The following KCNH8 variants were observed in gnomAD, a reference collection of about 807,000 sequenced individuals.
KCNH8 encodes potassium voltage-gated channel subfamily H member 8.
KCNH8 carries 70 observed loss-of-function variants against 103.6 expected under a neutral mutation model. That is an observed-to-expected ratio of 0.68 (90% CI 0.56 to 0.82). KCNH8 has a LOEUF of 0.82. Among genes scored for constraint, KCNH8 ranks in the 40% least tolerant of loss-of-function variants. The probability of loss-of-function intolerance (pLI) is 0.00; values close to 1 mark genes in which losing one functional copy is unlikely to be tolerated. For missense variants in KCNH8, 1,217 were observed against 1,329.9 expected, an observed-to-expected ratio of 0.92 and a Z score of 1.32; for synonymous variants, 498 against 489.4, an observed-to-expected ratio of 1.02 and a Z score of -0.23.
At chr3:19,403,917 C>T (rs1416093712) in intron 7 of KCNH8, among the ~76,000 whole-genome samples, 2 of 151,814 alleles carry the variant, frequency 1.3e-5, no homozygotes, top group East Asian at 1.9e-4. Context: ...GTATGTTTTA[C>T]ATTATGCCCC....
At chr3:19,210,454 A>G (rs1440324527) in intron 1 of KCNH8, among the ~76,000 whole-genome samples, 3 of 152,106 alleles carry the variant, frequency 2.0e-5, no homozygotes, top group Non-Finnish European at 4.4e-5. Context: ...ACCAGGGTGA[A>G]TAAAGCCTTC....
rs546889972 is a variant in KCNH8 at position 19,460,803 on chromosome 3, C to T, written c.2040+3821C>T. 2.8e-4 allele frequency among the ~76,000 whole-genome samples: 43 copies of T among 152,234 alleles called. 1 individual carries two copies. Among genetic ancestry groups the T allele is most frequent in the African/African-American group, 8.7e-4 (36 of 41,548 alleles). Reference sequence around the variant, plus strand: ...GATAATTGAATCATGGGGGCAGTTTCGCTCATCCTGTTCTTGTGATAGTGA... The same window carrying T: ...GATAATTGAATCATGGGGGCAGTTTTGCTCATCCTGTTCTTGTGATAGTGA... On this transcript the variant is annotated intron_variant, in intron 11 of 15. Coordinates refer to ENST00000328405, the MANE Select transcript of KCNH8 (RefSeq NM_144633.3).
chr3:19,254,362 T>C (rs967140387), intron 2 of KCNH8, among the ~76,000 whole-genome samples: 6 of 152,152 alleles, frequency 3.9e-5, no homozygotes, highest in Admixed American at 3.9e-4. Flanking sequence ...ATATGCATTT[T>C]CTTTTCCGGT....
chr3:19,511,620 T>G (rs1559365448), intron 12 of KCNH8, among the ~76,000 whole-genome samples: 1 of 152,076 alleles, frequency 6.6e-6, no homozygotes, highest in Admixed American at 6.6e-5. Context: ...CAATTTTTGT[T>G]AAAAACACAG....
At position 19,298,719 on chromosome 3, in the gene KCNH8, G is replaced by A. The variant is rs545959253; in HGVS notation, c.442+17390G>A. On this transcript the variant is annotated intron_variant, in intron 3 of 15. Transcript: ENST00000328405. ...GGGCGGATCACGAGGTCAGGAGATC[G>A]AGACCATCCTGGCTAACATGGTGAA... Among the ~76,000 whole-genome samples, 11 of 151,984 alleles carry A rather than the reference G, an allele frequency of 7.2e-5. No individual in the cohort carries two copies. The South Asian group carries it at 1.5e-3, about 20-fold the overall frequency.
At chr3:19,399,784 C>T (rs1027271746) in intron 7 of KCNH8, among the ~76,000 whole-genome samples, 9 of 151,906 alleles carry the variant, frequency 5.9e-5, no homozygotes, top group African/African-American at 2.2e-4. Flanking sequence ...TAGCAATACT[C>T]TTAAAGTCTA....
chr3:19,291,933 C>A (rs2125282527), intron 3 of KCNH8, among the ~76,000 whole-genome samples: 1 of 152,284 alleles, frequency 6.6e-6, no homozygotes, highest in African/African-American at 2.4e-5. Context: ...TAAATACTTT[C>A]TTATTAATTA....
At chr3:19,353,886 C>A (rs931675440) in intron 5 of KCNH8, among the ~76,000 whole-genome samples, 1 of 152,024 alleles carries the variant, frequency 6.6e-6, no homozygotes, top group Non-Finnish European at 1.5e-5. Context: ...CTGGCCAGGG[C>A]AATCAGGCAG....
rs2065751366 is a variant in KCNH8, at chr3:19,348,025, G to C, written c.811+60G>C. On this transcript the variant is annotated intron_variant, in intron 5 of 15. Coordinates refer to ENST00000328405, the MANE Select transcript of KCNH8 (RefSeq NM_144633.3). ...CATATGAGAAGTGAAGTGTGTTCCAGATTTTTCTGACATGAATTTGAACTA... is the reference window on the plus strand; with the variant it reads ...CATATGAGAAGTGAAGTGTGTTCCACATTTTTCTGACATGAATTTGAACTA... 5 of 1,572,728 alleles carry C rather than the reference G, an allele frequency of 3.2e-6. No homozygotes were observed. In the South Asian group the frequency reaches 4.6e-5, roughly 15 times the overall value.
intron 9 of KCNH8, 97 bp from the exon 10 acceptor site, chr3:19,451,058 A>G: frequency 8.4e-7 from 1 of 1,187,428 alleles, no homozygotes; most frequent in Non-Finnish European, 1.2e-6. Context: ...GCCAAACAGC[A>G]GGAGACAGTA....
At chr3:19,299,576 C>T (rs1323967458) in intron 3 of KCNH8, among the ~76,000 whole-genome samples, 1 of 152,028 alleles carries the variant, frequency 6.6e-6, no homozygotes, top group African/African-American at 2.4e-5. Flanking sequence ...TTTTAAATCT[C>T]TACAACAAAC....
intron 11 of KCNH8, among the ~76,000 whole-genome samples, chr3:19,503,260 T>G (rs2125235511): frequency 6.6e-6 from 1 of 151,854 alleles, no homozygotes; most frequent in East Asian, 1.9e-4. Context: ...ATGGCAATCA[T>G]TAAAAAGTCA....
intron 1 of KCNH8, among the ~76,000 whole-genome samples, chr3:19,185,729 G>T (rs1398225431): frequency 6.6e-6 from 1 of 151,770 alleles, no homozygotes; most frequent in Non-Finnish European, 1.5e-5. Context: ...ATTTGCTGGG[G>T]ATTTAAATCT....
intron 7 of KCNH8, among the ~76,000 whole-genome samples, chr3:19,426,937 G>A (rs1235387359): frequency 6.6e-6 from 1 of 151,854 alleles, no homozygotes; most frequent in Non-Finnish European, 1.5e-5. Flanking sequence ...TCCCTTTTGT[G>A]TTGAGTTGGT....
intron 3 of KCNH8, among the ~76,000 whole-genome samples, chr3:19,322,255 T>C (rs1005193647): frequency 6.6e-6 from 1 of 152,170 alleles, no homozygotes; most frequent in Admixed American, 6.6e-5. Context: ...ATACCTTTTT[T>C]TTCATTCTGT....
chr3:19,280,578 T>G (rs1575491738), intron 2 of KCNH8, among the ~76,000 whole-genome samples: 1 of 152,146 alleles, frequency 6.6e-6, no homozygotes, highest in East Asian at 1.9e-4. Flanking sequence ...TCTATTTGGT[T>G]TCAAATGATT....
rs1380143151 is a variant in KCNH8 at position 19,169,243 on chromosome 3, G to GTTTC, written c.76+20460_76+20463dup. Among the ~76,000 whole-genome samples the GTTTC allele has an allele frequency of 2.0e-4, 28 of 139,316 alleles. 1 individual carries two copies. Among genetic ancestry groups the GTTTC allele is most frequent in the South Asian group, 6.8e-4 (3 of 4,426 alleles). The allele number at this position is 139,316 out of a possible 152,430, so 91.4% of individuals were successfully genotyped here. ...CCAAATCTCCTAATCTCACTCTTTT[G>GTTTC]TTTCTTTCTTTCTTTTTTTTTTTTT... On this transcript the variant is annotated intron_variant, in intron 1 of 15. Coordinates refer to ENST00000328405, the MANE Select transcript of KCNH8 (RefSeq NM_144633.3).
chr3:19,291,527 G>T (rs1336150497), intron 3 of KCNH8, among the ~76,000 whole-genome samples: 2 of 152,322 alleles, frequency 1.3e-5, no homozygotes, highest in Non-Finnish European at 1.5e-5. Flanking sequence ...GGAGCAGGTT[G>T]TTCAGTTTCC....
intron 7 of KCNH8, among the ~76,000 whole-genome samples, chr3:19,437,411 A>G (rs1183719561): frequency 6.6e-6 from 1 of 152,200 alleles, no homozygotes; most frequent in Non-Finnish European, 1.5e-5. Flanking sequence ...TGACAGCACA[A>G]TTAATATACA....
Sources: allele counts gnomAD v4.1 joint callset (sites outside exome capture counted in the v4.1 genomes callset), GRCh38; gene constraint gnomAD v4.1.1; transcripts MANE v1.5; gene names NCBI Gene and HGNC (gene_info 2026-07-23, HGNC 2026-07-21).